Variants in LMF1 observed in about 807,000 individuals in gnomAD.
LMF1 encodes lipase maturation factor 1, also known as transmembrane protein 112.
Under a neutral mutation model 60.6 loss-of-function variants are expected in LMF1, and 68 were observed. The observed-to-expected ratio is 1.12, with a 90% CI of 0.92 to 1.37. LMF1 has a LOEUF of 1.37. Among genes scored for constraint, LMF1 ranks in the 40% most tolerant of loss-of-function variants. LMF1 has a pLI of 0.00. For synonymous variants in LMF1, 418 were observed against 324.7 expected (o/e 1.29, Z -3.09); for missense variants, 948 against 767.2 (o/e 1.24, Z -2.78).
intron 10 of LMF1, among the ~76,000 whole-genome samples, chr16:857,311 G>A (rs551023931): frequency 1.3e-5 from 2 of 152,378 alleles, no homozygotes; most frequent in East Asian, 1.9e-4. Flanking sequence ...AACTTCGGGT[G>A]TCCTTTTTGA....
At position 897,761 on chromosome 16, in the gene LMF1, A is replaced by G. The variant is rs149169043; in HGVS notation, c.664-4689T>C. 1.1e-4 allele frequency among the ~76,000 whole-genome samples: 16 copies of G among 152,292 alleles called. No individual in the cohort carries two copies. Among genetic ancestry groups the G allele is most frequent in the Non-Finnish European group, 1.8e-4 (12 of 68,000 alleles). ...GGTCTATCAAGACCCTCTAGTCTCC[A>G]TATCTGAGGGTGGCCCAGCTGCAGC... On this transcript the variant is annotated intron_variant, in intron 4 of 10. Coordinates refer to ENST00000262301, the MANE Select transcript of LMF1 (RefSeq NM_022773.4). This position sits in a 1 kb window ranked among gnomAD's most constrained non-coding sequence, Gnocchi z 4.3.
chr16:860,873 C>T (rs1458719870), intron 10 of LMF1, among the ~76,000 whole-genome samples: 3 of 152,274 alleles, frequency 2.0e-5, no homozygotes, highest in South Asian at 2.1e-4. Context: ...GTGTTGACTA[C>T]TGTAGTTCTG....
chr16:944,235 C>A (rs1014249843), intron 2 of LMF1, among the ~76,000 whole-genome samples: 21 of 151,986 alleles, frequency 1.4e-4, no homozygotes, highest in Non-Finnish European at 2.9e-4. Flanking sequence ...AAGGTCACCA[C>A]TCCCTACCTG....
intron 10 of LMF1, chr16:855,329 A>G (rs2069156250): frequency 3.7e-6 from 1 of 269,942 alleles, no homozygotes; most frequent in Non-Finnish European, 7.3e-6. Context: ...GAAGGCCCCC[A>G]CCCCCATCTC....
At chr16:938,107 C>T (rs1404141255) in intron 2 of LMF1, among the ~76,000 whole-genome samples, 5 of 152,314 alleles carry the variant, frequency 3.3e-5, no homozygotes, top group South Asian at 2.1e-4. Flanking sequence ...CATGTCTACC[C>T]GCCTCGCAGG....
intron 6 of LMF1, chr16:872,488 GTC>G (rs1174091269): frequency 6.6e-6 from 1 of 152,252 alleles, no homozygotes; most frequent in East Asian, 1.9e-4. Context: ...ATTCTCCACT[GTC>G]TACAAGGTTA....
At chr16:979,579 C>T in intron 1 of LMF1, 1 of 451,586 alleles carries the variant, frequency 2.2e-6, no homozygotes, top group Non-Finnish European at 4.4e-6. Flanking sequence ...TCCCTTCCTC[C>T]AGGGGTGCTG....
intron 2 of LMF1, among the ~76,000 whole-genome samples, chr16:951,654 G>A (rs371024025): frequency 3.3e-5 from 5 of 152,168 alleles, no homozygotes; most frequent in South Asian, 4.1e-4. Flanking sequence ...TCCACGCTGC[G>A]ACAAACCACG....
At chr16:921,760 C>T (rs2071438081) in intron 3 of LMF1, among the ~76,000 whole-genome samples, 3 of 152,268 alleles carry the variant, frequency 2.0e-5, no homozygotes, top group Admixed American at 6.5e-5. Flanking sequence ...GGCGAGGAGA[C>T]CCACTACGTA....
intron 3 of LMF1, among the ~76,000 whole-genome samples, chr16:913,820 G>A (rs1188847693): frequency 3.8e-5 from 5 of 133,054 alleles, no homozygotes; most frequent in East Asian, 4.3e-4. Context: ...GAGGCGTGGG[G>A]CACACAGAAG....
chr16:869,543 T>C (rs1412203215), intron 9 of LMF1: 2 of 579,924 alleles, frequency 3.4e-6, no homozygotes, highest in Admixed American at 4.3e-5. Context: ...TTCCTCCTCC[T>C]GCGTAGCTGA....
At position 856,643 on chromosome 16, in the gene LMF1, T is replaced by A. The variant is rs557234907; in HGVS notation, c.1530-1937A>T. Among the ~76,000 whole-genome samples, 217 of 152,330 alleles carry A rather than the reference T, an allele frequency of 1.4e-3. 1 individual carries two copies. Among genetic ancestry groups the A allele is most frequent in the Non-Finnish European group, 2.5e-3 (170 of 68,012 alleles). On this transcript the variant is annotated intron_variant, in intron 10 of 10. Coordinates refer to ENST00000262301, the MANE Select transcript of LMF1 (RefSeq NM_022773.4). The stretch of plus-strand genomic sequence containing the variant: ...GGTCTCTGACATCAAGAGCTGGAAC[T>A]GCAGTTTGGAAAGGGTTTTGGAAAG...
At chr16:917,762 C>T (rs2151762750) in intron 3 of LMF1, among the ~76,000 whole-genome samples, 1 of 152,298 alleles carries the variant, frequency 6.6e-6, no homozygotes, top group Non-Finnish European at 1.5e-5. Flanking sequence ...TACTGCTGTG[C>T]TCGCCCGGCA....
At chr16:981,347 A>AGAGTGAGT (rs1302286541), upstream of LMF1, 1 of 94,616 alleles carries the variant, frequency 1.1e-5, no homozygotes, top group Non-Finnish European at 1.9e-5. Flanking sequence ...AGAGAGAGAG[A>AGAGTGAGT]GTGTGTGTGT....
intron 3 of LMF1, chr16:921,157 A>C (rs2071420240): frequency 1.3e-5 from 2 of 152,322 alleles, no homozygotes; most frequent in Admixed American, 1.3e-4. Context: ...TTCTGGAGGC[A>C]ACTCAAGGAG....
intron 5 of LMF1, among the ~76,000 whole-genome samples, chr16:888,122 T>C (rs1022189620): frequency 8.5e-5 from 13 of 152,202 alleles, no homozygotes; most frequent in Non-Finnish European, 1.8e-4. Flanking sequence ...CGGCCCAAGC[T>C]CACAGACAGG....
intron 1 of LMF1, chr16:977,226 G>A (rs552281335): frequency 3.3e-5 from 13 of 397,532 alleles, no homozygotes; most frequent in Admixed American, 1.1e-4. Context: ...GACCCAAACC[G>A]GAACTCGTGC....
chr16:900,121 G>A (rs2070768996), intron 4 of LMF1: 1 of 152,178 alleles, frequency 6.6e-6, no homozygotes, highest in South Asian at 2.1e-4. Context: ...TCTCATCTAA[G>A]TTGTCACACT....
intron 3 of LMF1, among the ~76,000 whole-genome samples, chr16:920,826 C>T (rs545866256): frequency 2.6e-5 from 4 of 152,356 alleles, no homozygotes; most frequent in South Asian, 2.1e-4. Flanking sequence ...GTCGACTTCC[C>T]GTCCAAAACG....
Sources: gnomAD v4.1 joint callset for allele counts (sites outside exome capture counted in the v4.1 genomes callset) on GRCh38, gnomAD v4.1.1 for gene constraint, Gnocchi (gnomAD v3.1) non-coding constraint, MANE v1.5 for transcripts, NCBI Gene and HGNC (gene_info 2026-07-23, HGNC 2026-07-21) for gene names.